PLG: variants seen among roughly 807,000 people sequenced by gnomAD.
PLG encodes plasminogen, also known as plasmin.
Under a neutral mutation model 104.4 loss-of-function variants are expected in PLG, and 41 were observed. The ratio of observed to expected loss-of-function variants is 0.39; its 90% confidence interval spans 0.31 to 0.51. The LOEUF (loss-of-function observed/expected upper bound fraction) is 0.51. Ranked by LOEUF, PLG falls within the 20% of genes least tolerant of loss-of-function variation. The pLI is 0.76. For missense variants in PLG, 891 were observed against 1,003.6 expected, an observed-to-expected ratio of 0.89 and a Z score of 1.52; for synonymous variants, 337 against 357.1, an observed-to-expected ratio of 0.94 and a Z score of 0.63.
rs1273485765 is a variant in PLG, at chr6:160,736,954, G to A, written c.1749G>A (p.Gly583=). The change falls in exon 14 of 19, where the codon GGG becomes GGA. Residue 583 remains glycine, a synonymous_variant. Coordinates refer to ENST00000308192, the MANE Select transcript of PLG (RefSeq NM_000301.5). This position sits in a 1 kb window ranked among gnomAD's most constrained non-coding sequence, Gnocchi z 5.2. ...EPKKCPGRVV[G]GCVAHPHSWP... ...AGAAATGTCCTGGAAGGGTTGTAGG[G>A]GGGTGTGTGGCCCACCCACATTCCT... 1.9e-6 allele frequency: 3 copies of A among 1,613,812 alleles called. No homozygotes were observed. The highest frequency in any genetic ancestry group is 1.3e-5 in the African/African-American group (1 of 74,862).
intron 5 of PLG, 41 bp downstream of exon 5, chr6:160,713,166 C>T (rs200390241): frequency 1.5e-4 from 232 of 1,521,662 alleles, no homozygotes; most frequent in Non-Finnish European, 2.8e-5. Context: ...TTCTGCCCTT[C>T]ACCTGTAAAA....
intron 1 of PLG, among the ~76,000 whole-genome samples, chr6:160,703,481 A>G (rs1304196686): frequency 1.3e-5 from 2 of 152,216 alleles, no homozygotes; most frequent in Admixed American, 6.5e-5. Flanking sequence ...TTCTGTATTT[A>G]TATCTTTGCC....
intron 3 of PLG, among the ~76,000 whole-genome samples, chr6:160,709,246 C>G (rs1777590701): frequency 6.6e-6 from 1 of 152,092 alleles, no homozygotes; most frequent in Admixed American, 6.5e-5. Context: ...TATTGACCTG[C>G]TACTAACTTA....
Position 160,718,675 on chromosome 6 carries a change from C to T in PLG, c.951-18C>T, listed in dbSNP as rs1259593108. On this transcript the variant is annotated intron_variant, in intron 8 of 18. Transcript: ENST00000308192. ...TTTTCTTTTTGGAAAGCTAAACTCA[C>T]AATCACTTCTTTTTCAGAAATTTGG... The T allele has an allele frequency of 6.2e-7, 1 of 1,613,652 alleles. No individual in the cohort carries two copies. Among genetic ancestry groups the T allele is most frequent in the Admixed American group, 1.7e-5 (1 of 60,024 alleles).
rs756301243 is a variant in PLG, at chr6:160,738,339, A to C, written c.1803-199A>C. 1.7e-5 allele frequency: 10 copies of C among 589,776 alleles called. No homozygotes were observed. The highest frequency in any genetic ancestry group is 3.1e-5 in the Non-Finnish European group (10 of 320,846). The allele number at this position is 589,776 out of a possible 1,614,324, so 36.5% of individuals were successfully genotyped here. On this transcript the variant is annotated intron_variant, in intron 14 of 18. Transcript: ENST00000308192. The surrounding 1 kb of genome is among the most constrained non-coding windows in gnomAD (Gnocchi z 6.8). ...TCCCCCAAGCATCGGAAAAATTGGC[A>C]TAGATGGGCCCTTCTCAAAAATCCC...
intron 9 of PLG, among the ~76,000 whole-genome samples, chr6:160,720,391 CTCT>C (rs781657140): frequency 1.2e-4 from 15 of 121,402 alleles, no homozygotes; most frequent in Non-Finnish European, 2.5e-4. Context: ...TTTTTCTTTT[CTCT>C]TTTTTCTTTT....
At chr6:160,711,397 A>G in intron 4 of PLG, 1 of 709,242 alleles carries the variant, frequency 1.4e-6, no homozygotes, top group South Asian at 1.9e-5. Flanking sequence ...AATCGTTGTT[A>G]TACTGTATTG....
rs1778418742 is a variant in PLG, at chr6:160,752,396, T to G, written c.2271+136T>G. On this transcript the variant is annotated intron_variant, in intron 18 of 18. Coordinates refer to ENST00000308192, the MANE Select transcript of PLG (RefSeq NM_000301.5). This position sits in a 1 kb window ranked among gnomAD's most constrained non-coding sequence, Gnocchi z 4.7. ...CCAGTCTAAGTGTTGTTTAGAAACT[T>G]CCTAGATCTGTCCCTGAATGCGTAT... 5 of 771,480 alleles carry G rather than the reference T, an allele frequency of 6.5e-6. No homozygotes were observed. Among genetic ancestry groups the G allele is most frequent in the Admixed American group, 4.0e-5 (2 of 49,960 alleles). 47.8% of individuals were successfully genotyped at this position (771,480 alleles called of 1,614,324 possible). A position where few individuals can be genotyped will look rare whatever the true frequency, so the allele number is the denominator to read the frequency against.
chr6:160,704,525 A>T (rs1048292394), intron 1 of PLG, among the ~76,000 whole-genome samples: 1 of 152,258 alleles, frequency 6.6e-6, no homozygotes, highest in African/African-American at 2.4e-5. Context: ...ACTGTGAGCT[A>T]TATAGAATTA....
At chr6:160,733,319 C>T (rs1448112948) in intron 12 of PLG, among the ~76,000 whole-genome samples, 1 of 152,134 alleles carries the variant, frequency 6.6e-6, no homozygotes, top group Non-Finnish European at 1.5e-5. Flanking sequence ...CTGAGCCCTC[C>T]AGGGACAATG....
At chr6:160,704,206 G>A (rs1403685833) in intron 1 of PLG, among the ~76,000 whole-genome samples, 2 of 152,128 alleles carry the variant, frequency 1.3e-5, no homozygotes, top group Non-Finnish European at 2.9e-5. Flanking sequence ...TGCCATATGA[G>A]TCCTAGAGGT....
rs750029253 is a variant in PLG, at chr6:160,741,283, A to G, written c.2019-28A>G. The G allele has an allele frequency of 1.4e-6, 2 of 1,435,430 alleles. No individual in the cohort carries two copies. Among genetic ancestry groups the G allele is most frequent in the African/African-American group, 2.8e-5 (2 of 71,518 alleles). The allele number at this position is 1,435,430 out of a possible 1,614,324, so 88.9% of individuals were successfully genotyped here. A position where few individuals can be genotyped will look rare whatever the true frequency, so the allele number is the denominator to read the frequency against. The stretch of plus-strand genomic sequence containing the variant: ...ACTGCAGCTGCGAGCAGAGCAGTCA[A>G]ACATAACTGCTGATGCTTTTCTTTC... On this transcript the variant is annotated intron_variant, in intron 16 of 18. Coordinates refer to ENST00000308192, the MANE Select transcript of PLG (RefSeq NM_000301.5). The surrounding 1 kb of genome is among the most constrained non-coding windows in gnomAD (Gnocchi z 4.7).
At position 160,740,469 on chromosome 6, in the gene PLG, C is replaced by A. The variant is rs1778172570; in HGVS notation, c.2019-842C>A. On this transcript the variant is annotated intron_variant, in intron 16 of 18. Transcript: ENST00000308192. This position sits in a 1 kb window ranked among gnomAD's most constrained non-coding sequence, Gnocchi z 5.2. Reference sequence around the variant, plus strand: ...CGAGTTTAGAGTTCCCACCCCACATCCCCACACCCCGAGTCTAGGGCATTT... The same window carrying A: ...CGAGTTTAGAGTTCCCACCCCACATACCCACACCCCGAGTCTAGGGCATTT... Among the ~76,000 whole-genome samples the A allele has an allele frequency of 2.0e-5, 3 of 152,090 alleles. No homozygotes were observed. Among genetic ancestry groups the A allele is most frequent in the Admixed American group, 2.0e-4 (3 of 15,278 alleles).
rs1172475828 is a variant in PLG, at chr6:160,738,296, A to G, written c.1803-242A>G. The stretch of plus-strand genomic sequence containing the variant: ...GTTACTTAGCTTTGCTCTCCTGTGG[A>G]CAGGCCATGCCTGTGCCTCCCCCAA... On this transcript the variant is annotated intron_variant, in intron 14 of 18. Transcript: ENST00000308192. The surrounding 1 kb of genome is among the most constrained non-coding windows in gnomAD (Gnocchi z 6.8). 1 of 522,904 alleles carries G rather than the reference A, an allele frequency of 1.9e-6. No individual in the cohort carries two copies. The highest frequency in any genetic ancestry group is 1.9e-5 in the African/African-American group (1 of 52,100). The allele number at this position is 522,904 out of a possible 1,614,324, so 32.4% of individuals were successfully genotyped here.
intron 9 of PLG, 64 bp from the exon 10 acceptor site, chr6:160,722,344 A>T: frequency 3.3e-6 from 4 of 1,212,350 alleles, no homozygotes; most frequent in Non-Finnish European, 2.5e-6. Flanking sequence ...TTTTGTCATA[A>T]ATTGCTTCAT....
rs181017422 is a variant in PLG, at chr6:160,712,771, G to A, written c.408-215G>A. Among the ~76,000 whole-genome samples the A allele has an allele frequency of 5.8e-4, 88 of 152,242 alleles. 1 individual carries two copies. The highest frequency in any genetic ancestry group is 4.3e-4 in the Non-Finnish European group (29 of 68,024). On this transcript the variant is annotated intron_variant, in intron 4 of 18. Transcript: ENST00000308192. The stretch of plus-strand genomic sequence containing the variant: ...AAATATTTTGGCTCTCTAAGACTTG[G>A]CTGTCACAGTAGCAATGGTAATATT...
At chr6:160,722,084 C>T (rs760965349) in intron 9 of PLG, among the ~76,000 whole-genome samples, 3 of 152,164 alleles carry the variant, frequency 2.0e-5, no homozygotes, top group Non-Finnish European at 4.4e-5. Flanking sequence ...CCTGCACTGC[C>T]GAATGCATCC....
Position 160,736,309 on chromosome 6 carries a change from G to A in PLG, c.1682-578G>A, listed in dbSNP as rs1582946817. ...TTGGTTAGTCATGGGAGGCTCCCCA[G>A]AGGAGCTGTCCTGAAGCTGGCTGAC... is the stretch of plus-strand genomic sequence containing the variant. On this transcript the variant is annotated intron_variant, in intron 13 of 18. Coordinates refer to ENST00000308192, the MANE Select transcript of PLG (RefSeq NM_000301.5). The surrounding 1 kb of genome is among the most constrained non-coding windows in gnomAD (Gnocchi z 5.2). Among the ~76,000 whole-genome samples, 1 of 152,204 alleles carries A rather than the reference G, an allele frequency of 6.6e-6. No homozygotes were observed. The highest frequency in any genetic ancestry group is 1.5e-5 in the Non-Finnish European group (1 of 68,042).
chr6:160,707,915 G>T lies in PLG; in HGVS notation c.292+109G>T. 2.2e-5 allele frequency: 22 copies of T among 983,148 alleles called. No individual in the cohort carries two copies. In the South Asian group the frequency reaches 2.3e-4, roughly 10 times the overall value. The allele number at this position is 983,148 out of a possible 1,614,324, so 60.9% of individuals were successfully genotyped here. A position where few individuals can be genotyped will look rare whatever the true frequency, so the allele number is the denominator to read the frequency against. On this transcript the variant is annotated intron_variant, in intron 3 of 18. Coordinates refer to ENST00000308192, the MANE Select transcript of PLG (RefSeq NM_000301.5). ...AAGACCAGAGGAGGAAGGCACTATC[G>T]TGTTATAAAACTGAATTCTGAGTTA...
Sources: gnomAD v4.1 joint callset for allele counts (sites outside exome capture counted in the v4.1 genomes callset) on GRCh38, gnomAD v4.1.1 for gene constraint, Gnocchi (gnomAD v3.1) non-coding constraint, MANE v1.5 for transcripts, NCBI Gene and HGNC (gene_info 2026-07-23, HGNC 2026-07-21) for gene names.